The following HERC1 variants were observed in gnomAD, a reference collection of about 807,000 sequenced individuals.
HERC1 encodes HECT and RLD domain containing E3 ubiquitin protein ligase family member 1.
HERC1 carries 160 observed loss-of-function variants against 554.3 expected under a neutral mutation model. That is an observed-to-expected ratio of 0.29 (90% CI 0.25 to 0.33). The LOEUF is 0.33. HERC1 is among the 10% of genes least tolerant of loss of function. HERC1 has a pLI of 1.00. For missense variants in HERC1, 4,919 were observed against 5,918.5 expected, an observed-to-expected ratio of 0.83 and a Z score of 5.54; for synonymous variants, 2,175 against 2,131.7, an observed-to-expected ratio of 1.02 and a Z score of -0.56.
chr15:63,786,112 A>G (rs748798519), intron 1 of HERC1, among the ~76,000 whole-genome samples: 1 of 152,126 alleles, frequency 6.6e-6, no homozygotes, highest in Non-Finnish European at 1.5e-5. Flanking sequence ...GAATGGAAAG[A>G]CAAGCTAGAT....
chr15:63,758,417 C>T lies in HERC1; in HGVS notation c.1027-48G>A. ...AACAAATAGTCAAGACAGTTTTAGT[C>T]TGGGCATTTTTTATACATATCCTCT... On this transcript the variant is annotated intron_variant, in intron 3 of 77. Coordinates refer to ENST00000443617, the MANE Select transcript of HERC1 (RefSeq NM_003922.4). The surrounding 1 kb of genome is among the most constrained non-coding windows in gnomAD (Gnocchi z 4.0). The T allele has an allele frequency of 7.1e-7, 1 of 1,408,580 alleles. No individual in the cohort carries two copies. The highest frequency in any genetic ancestry group is 2.4e-5 in the East Asian group (1 of 40,910). The allele number at this position is 1,408,580 out of a possible 1,614,324, so 87.3% of individuals were successfully genotyped here.
intron 18 of HERC1, among the ~76,000 whole-genome samples, chr15:63,724,962 T>TAC (rs1440337026): frequency 2.0e-5 from 3 of 152,206 alleles, no homozygotes; most frequent in Non-Finnish European, 4.4e-5. Context: ...TACAGTGCTT[T>TAC]ACATTCTGGG....
intron 1 of HERC1, among the ~76,000 whole-genome samples, chr15:63,796,737 T>A (rs893402439): frequency 1.1e-4 from 16 of 152,190 alleles, no homozygotes; most frequent in Admixed American, 9.2e-4. Flanking sequence ...AGCTTTCAGG[T>A]CATAGATACA....
At chr15:63,689,442 G>A in intron 33 of HERC1, 147 bp downstream of exon 33, 1 of 559,868 alleles carries the variant, frequency 1.8e-6, no homozygotes, top group Middle Eastern at 4.7e-4. Flanking sequence ...TGAGGGGAGG[G>A]AATCAGTGGA....
chr15:63,737,203 AG>A (rs1005497187), intron 12 of HERC1, among the ~76,000 whole-genome samples: 2 of 150,900 alleles, frequency 1.3e-5, no homozygotes, highest in African/African-American at 4.9e-5. Context: ...TATAAAGCAG[AG>A]GGGGGAAAAG....
Position 63,640,448 on chromosome 15 carries a change from A to G in HERC1, c.11608-3T>C, listed in dbSNP as rs768862729. ...TGGTCACCACAAACCACATGAGGCT[A>G]AAACAAAATACAAGGATATAATATG... On this transcript the variant is annotated splice_region_variant and splice_polypyrimidine_tract_variant and intron_variant, in intron 60 of 77. Coordinates refer to ENST00000443617, the MANE Select transcript of HERC1 (RefSeq NM_003922.4). 6 of 1,609,004 alleles carry G rather than the reference A, an allele frequency of 3.7e-6. No individual in the cohort carries two copies. Among genetic ancestry groups the G allele is most frequent in the Non-Finnish European group, 4.3e-6 (5 of 1,175,762 alleles).
intron 44 of HERC1, 131 bp downstream of exon 44, chr15:63,662,853 C>T: frequency 3.1e-6 from 2 of 645,892 alleles, no homozygotes; most frequent in Non-Finnish European, 2.7e-6. Flanking sequence ...AACTTTAAAT[C>T]CCCAAACCTC....
intron 76 of HERC1, among the ~76,000 whole-genome samples, chr15:63,615,204 T>C (rs1276264783): frequency 1.3e-5 from 2 of 152,154 alleles, no homozygotes; most frequent in African/African-American, 4.8e-5. Context: ...AAGGTCTGAA[T>C]GCCAGATGAA....
intron 39 of HERC1, among the ~76,000 whole-genome samples, chr15:63,670,199 C>A (rs1015303247): frequency 6.6e-6 from 1 of 152,158 alleles, no homozygotes; most frequent in Non-Finnish European, 1.5e-5. Context: ...TCACCTAGCA[C>A]AACTGCAAAA....
At position 63,632,729 on chromosome 15, in the gene HERC1, T is replaced by C; in HGVS notation, c.12776A>G (p.His4259Arg). 1 of 1,561,248 alleles carries C rather than the reference T, an allele frequency of 6.4e-7. No individual in the cohort carries two copies. Among genetic ancestry groups the C allele is most frequent in the Non-Finnish European group, 8.7e-7 (1 of 1,150,982 alleles). ...CTTACCTTGACCAAAGGTATACACATGACCATCTTTGGTCAAAGCAACAGA... is the reference window on the plus strand; with the variant it reads ...CTTACCTTGACCAAAGGTATACACACGACCATCTTTGGTCAAAGCAACAGA... ...QFSVALTKDG[H>R]VYTFGQDRLI... is the part of the protein sequence containing the mutation. Residue 4259 changes from histidine (H) to arginine (R), a missense_variant, in exon 68 of 78, where the codon CAT becomes CGT. Coordinates refer to ENST00000443617, the MANE Select transcript of HERC1 (RefSeq NM_003922.4).
In HERC1 at chr15:63,671,686, G is replaced by T. The variant is rs373625041; in HGVS notation, c.8045+810C>A. On this transcript the variant is annotated intron_variant, in intron 39 of 77. Transcript: ENST00000443617. Reference sequence around the variant, plus strand: ...TACAGCCCTAGAGCTTTAAAAAGTTGCCCAGGTGGCCTTGGGCACACCAAA... The same window carrying T: ...TACAGCCCTAGAGCTTTAAAAAGTTTCCCAGGTGGCCTTGGGCACACCAAA... Among the ~76,000 whole-genome samples, 23 of 152,238 alleles carry T rather than the reference G, an allele frequency of 1.5e-4. No individual in the cohort carries two copies. The South Asian group carries it at 4.6e-3, about 30-fold the overall frequency.
intron 69 of HERC1, among the ~76,000 whole-genome samples, chr15:63,629,709 G>C (rs1210982068): frequency 6.6e-6 from 1 of 152,198 alleles, no homozygotes; most frequent in African/African-American, 2.4e-5. Context: ...TGTTAATGCA[G>C]TGATGAGGAG....
chr15:63,790,911 A>G (rs2076631332), intron 1 of HERC1, among the ~76,000 whole-genome samples: 1 of 151,982 alleles, frequency 6.6e-6, no homozygotes, highest in Non-Finnish European at 1.5e-5. Flanking sequence ...TCCCTATCCT[A>G]TTATTCTTTT....
At chr15:63,823,218 T>C (rs554021340) in intron 1 of HERC1, among the ~76,000 whole-genome samples, 1 of 152,254 alleles carries the variant, frequency 6.6e-6, no homozygotes, top group Non-Finnish European at 1.5e-5. Flanking sequence ...TGTTTTCTCA[T>C]CATTTAGCTC....
intron 14 of HERC1, among the ~76,000 whole-genome samples, chr15:63,730,020 A>G (rs1427460843): frequency 1.1e-5 from 1 of 87,110 alleles, no homozygotes; most frequent in African/African-American, 4.6e-5. Context: ...GAGTGAAACT[A>G]TGTCTCAAAA....
chr15:63,694,530 A>C lies in HERC1; in HGVS notation c.5262T>G (p.Leu1754=), dbSNP rs889886016. 3 of 1,614,036 alleles carry C rather than the reference A, an allele frequency of 1.9e-6. No individual in the cohort carries two copies. The highest frequency in any genetic ancestry group is 2.5e-6 in the Non-Finnish European group (3 of 1,179,872). Residue 1754 remains leucine (L), a synonymous_variant, in exon 29 of 78, where the codon CTT becomes CTG. Transcript: ENST00000443617. This position sits in a 1 kb window ranked among gnomAD's most constrained non-coding sequence, Gnocchi z 4.3. ...KHHIEAQQRL[L]LVTVFALSVH... is the part of the protein sequence containing the mutation. ...CACTTAGGGCAAAAACTGTAACCAG[A>C]AGCAGACGTTGCTGGGCTTCTAAAA...
At chr15:63,793,334 T>A (rs1185838821) in intron 1 of HERC1, among the ~76,000 whole-genome samples, 1 of 152,236 alleles carries the variant, frequency 6.6e-6, no homozygotes, top group African/African-American at 2.4e-5. Flanking sequence ...AAAACCAAGA[T>A]GGCCACGAAA....
At chr15:63,635,445 G>A (rs916587777) in intron 65 of HERC1, among the ~76,000 whole-genome samples, 30 of 152,128 alleles carry the variant, frequency 2.0e-4, no homozygotes, top group African/African-American at 7.2e-4. Flanking sequence ...GCATACCCTG[G>A]AGTAACTACT....
rs771836508 is a variant in HERC1 at position 63,754,633 on chromosome 15, T to C, written c.1646A>G (p.Asn549Ser). The change falls in exon 7 of 78, where the codon AAT becomes AGT. Residue 549 changes from asparagine to serine, a missense_variant. Asn to Ser is a conservative substitution (Grantham distance 46). Around this residue, in one of 11 missense-constraint regions of HERC1, gnomAD observed 744 missense variants for 1,090.0 expected, o/e 0.68. Transcript: ENST00000443617. ...TACTAATGTTGGAATGTTACGACTA[T>C]TGCTGTCACCATGACCTTGGATAAA... ...DFGRLGHGDS[N>S]SRNIPTLVKD... 4 of 1,613,086 alleles carry C rather than the reference T, an allele frequency of 2.5e-6. No individual in the cohort carries two copies. The highest frequency in any genetic ancestry group is 1.7e-6 in the Non-Finnish European group (2 of 1,179,574).
Sources: gnomAD v4.1 joint callset for allele counts (sites outside exome capture counted in the v4.1 genomes callset) on GRCh38, gnomAD v4.1.1 for gene constraint, gnomAD v4.1.1 regional missense constraint, Gnocchi (gnomAD v3.1) non-coding constraint, MANE v1.5 for transcripts, NCBI Gene and HGNC (gene_info 2026-07-23, HGNC 2026-07-21) for gene names.